TATDN1: variants seen among roughly 807,000 people sequenced by gnomAD.
TATDN1 encodes the protein TatD DNase domain containing 1.
TATDN1 carries 40 observed loss-of-function variants against 46.4 expected under a neutral mutation model. The ratio of observed to expected loss-of-function variants is 0.86; its 90% CI spans 0.67 to 1.12. The LOEUF (loss-of-function observed/expected upper bound fraction) is 1.12. Ranked by LOEUF, TATDN1 falls within the 50% of genes most tolerant of loss-of-function variation. TATDN1 has a pLI of 0.00. For synonymous variants in TATDN1, 95 were observed against 105.6 expected (o/e 0.90, Z 0.62); for missense variants, 326 against 348.4 (o/e 0.94, Z 0.51).
At chr8:124,509,645 T>C (rs189983198) in intron 6 of TATDN1, among the ~76,000 whole-genome samples, 155 of 152,312 alleles carry the variant, frequency 1.0e-3, no homozygotes, top group Non-Finnish European at 1.1e-3. Flanking sequence ...TTGCTATATT[T>C]TTCTATATCA....
At chr8:124,495,859 G>A (rs921280397) in intron 9 of TATDN1, among the ~76,000 whole-genome samples, 2 of 152,174 alleles carry the variant, frequency 1.3e-5, no homozygotes, top group Non-Finnish European at 2.9e-5. Context: ...TAACTTAGAG[G>A]TGCTTCTAAG....
chr8:124,498,134 G>C (rs1345303183), intron 9 of TATDN1, among the ~76,000 whole-genome samples: 1 of 152,006 alleles, frequency 6.6e-6, no homozygotes, highest in Non-Finnish European at 1.5e-5. Flanking sequence ...TCGTCTGGTG[G>C]TCCTTGGATA....
At chr8:124,488,874 CAG>C (rs569501186) in intron 11 of TATDN1, 178 bp from the exon 12 acceptor site, 8 of 571,456 alleles carry the variant, frequency 1.4e-5, no homozygotes, top group Non-Finnish European at 2.2e-5. Context: ...TAACTGGAAA[CAG>C]ATTTATGGAC....
intron 4 of TATDN1, among the ~76,000 whole-genome samples, chr8:124,518,553 A>G (rs1259730992): frequency 6.6e-6 from 1 of 151,626 alleles, no homozygotes; most frequent in Non-Finnish European, 1.5e-5. Flanking sequence ...ACCTGAGGTT[A>G]AACTGTGTAC....
chr8:124,533,310 G>A (rs1821134057), intron 1 of TATDN1, among the ~76,000 whole-genome samples: 2 of 151,954 alleles, frequency 1.3e-5, no homozygotes, highest in South Asian at 4.2e-4. Context: ...ATTATGGTTA[G>A]GTTAGAAGAG....
rs1471861306 is a variant in TATDN1, at chr8:124,522,206, A to C, written c.89-6T>G. On this transcript the variant is annotated splice_polypyrimidine_tract_variant and splice_region_variant and intron_variant, in intron 2 of 11. Transcript: ENST00000276692. ...TATTACATCCTGTAAGTCATCTGTA[A>C]AAGATAAACTCTGTATTATGAAAAC... 6.3e-7 allele frequency: 1 copy of C among 1,584,022 alleles called. No individual in the cohort carries two copies. Among genetic ancestry groups the C allele is most frequent in the Non-Finnish European group, 8.6e-7 (1 of 1,163,034 alleles).
intron 1 of TATDN1, among the ~76,000 whole-genome samples, chr8:124,532,075 G>T (rs1194339027): frequency 6.6e-6 from 1 of 152,114 alleles, no homozygotes; most frequent in East Asian, 1.9e-4. Context: ...GAAGAAGGAA[G>T]AGCAAGGGGG....
At chr8:124,533,592 G>A (rs1000367721) in intron 1 of TATDN1, among the ~76,000 whole-genome samples, 1 of 152,142 alleles carries the variant, frequency 6.6e-6, no homozygotes, top group Non-Finnish European at 1.5e-5. Flanking sequence ...GTCAGCAGAG[G>A]AGCAAGTCTT....
chr8:124,502,299 C>T (rs1226654749), intron 9 of TATDN1, among the ~76,000 whole-genome samples: 1 of 150,958 alleles, frequency 6.6e-6, no homozygotes, highest in Non-Finnish European at 1.5e-5. Context: ...CAAGATCGCG[C>T]CACTGCACTC....
intron 8 of TATDN1, among the ~76,000 whole-genome samples, chr8:124,507,096 A>C (rs1035240424): frequency 2.6e-5 from 4 of 151,754 alleles, no homozygotes; most frequent in African/African-American, 9.7e-5. Context: ...CAGGTGACGG[A>C]GGTTGCAGTG....
At chr8:124,520,942 C>CAA (rs1162309758) in intron 3 of TATDN1, among the ~76,000 whole-genome samples, 88 of 81,858 alleles carry the variant, frequency 1.1e-3, no homozygotes, top group Non-Finnish European at 1.2e-3. Context: ...GACTCCGTCT[C>CAA]AAAAAAAAAA....
At chr8:124,498,949 CTCT>C (rs1183236800) in intron 9 of TATDN1, among the ~76,000 whole-genome samples, 2 of 147,560 alleles carry the variant, frequency 1.4e-5, no homozygotes, top group East Asian at 1.9e-4. Context: ...TGCGCCTGGC[CTCT>C]TTTTTTTTTT....
chr8:124,499,980 G>A (rs1169720169), intron 9 of TATDN1, among the ~76,000 whole-genome samples: 2 of 151,960 alleles, frequency 1.3e-5, no homozygotes, highest in African/African-American at 4.8e-5. Flanking sequence ...GAGTAGCTGG[G>A]ACTACAGGTG....
At chr8:124,527,865 C>T (rs745581941) in intron 1 of TATDN1, among the ~76,000 whole-genome samples, 6 of 150,680 alleles carry the variant, frequency 4.0e-5, no homozygotes, top group Non-Finnish European at 8.8e-5. Context: ...AGATGGCAGG[C>T]CCTCACTAAC....
At chr8:124,490,844 G>A (rs2131328507) in intron 11 of TATDN1, among the ~76,000 whole-genome samples, 2 of 151,736 alleles carry the variant, frequency 1.3e-5, no homozygotes, top group South Asian at 4.2e-4. Context: ...ACACAGTGGT[G>A]TGATCTTGGC....
chr8:124,489,105 G>C, intron 11 of TATDN1: 1 of 176,684 alleles, frequency 5.7e-6, no homozygotes, highest in Non-Finnish European at 1.2e-5. Context: ...TTTTTTGTTA[G>C]GTTTTATTAT....
At chr8:124,522,636 C>A (rs1820149026) in intron 2 of TATDN1, among the ~76,000 whole-genome samples, 1 of 152,166 alleles carries the variant, frequency 6.6e-6, no homozygotes, top group Admixed American at 6.5e-5. Context: ...CCAGGCTGGT[C>A]TCGAACTCCT....
intron 8 of TATDN1, 82 bp downstream of exon 8, chr8:124,508,392 G>C: frequency 1.7e-6 from 2 of 1,191,538 alleles, no homozygotes; most frequent in Non-Finnish European, 2.4e-6. Context: ...TCAGATTTTG[G>C]AGCATTTTGT....
intron 6 of TATDN1, among the ~76,000 whole-genome samples, 192 bp from the exon 7 acceptor site, chr8:124,508,880 C>T (rs187399537): frequency 5.9e-5 from 9 of 152,286 alleles, no homozygotes; most frequent in African/African-American, 7.2e-5. Flanking sequence ...GAAAGAAATA[C>T]TTCATTTTCT....
Sources: allele counts gnomAD v4.1 joint callset (sites outside exome capture counted in the v4.1 genomes callset), GRCh38; gene constraint gnomAD v4.1.1; transcripts MANE v1.5; gene names NCBI Gene and HGNC (gene_info 2026-07-23, HGNC 2026-07-21).